The following PSMA2 variants were observed in gnomAD, a reference collection of about 807,000 sequenced individuals.
The protein encoded by PSMA2 is proteasome subunit alpha type-2.
A neutral mutation model predicts 35.9 loss-of-function variants in PSMA2; 2 were observed. That is an observed-to-expected ratio of 0.06 (90% CI 0.02 to 0.18). The LOEUF (loss-of-function observed/expected upper bound fraction) is 0.18, where lower values mean the gene tolerates loss of function less well. Among genes scored for constraint, PSMA2 ranks in the 10% least tolerant of loss-of-function variants. The probability of loss-of-function intolerance (pLI) is 1.00; values close to 1 mark genes in which losing one functional copy is unlikely to be tolerated. For synonymous variants in PSMA2, 97 were observed against 98.2 expected, an observed-to-expected ratio of 0.99 and a Z score of 0.07; for missense variants, 126 against 278.8, an observed-to-expected ratio of 0.45 and a Z score of 3.90.
intron 1 of PSMA2, among the ~76,000 whole-genome samples, chr7:42,927,722 A>C (rs1400444510): frequency 6.6e-6 from 1 of 152,196 alleles, no homozygotes; most frequent in Non-Finnish European, 1.5e-5. Flanking sequence ...CCTGACTAAC[A>C]TGGTGAAACC....
At chr7:42,923,667 T>C (rs1343084172) in intron 4 of PSMA2, among the ~76,000 whole-genome samples, 1 of 152,244 alleles carries the variant, frequency 6.6e-6, no homozygotes, top group African/African-American at 2.4e-5. Context: ...AAGTGTGTAG[T>C]AACATTTAGT....
At chr7:42,929,599 C>G (rs935262663) in intron 1 of PSMA2, among the ~76,000 whole-genome samples, 4 of 151,856 alleles carry the variant, frequency 2.6e-5, no homozygotes, top group African/African-American at 9.7e-5. Context: ...ACTGAAATAG[C>G]CTTCTAACTG....
In PSMA2 at chr7:42,924,766, GAGC is replaced by G; in HGVS notation, c.280_282del (p.Ala94del). On this transcript the variant is annotated inframe_deletion, in exon 4 of 8. Transcript: ENST00000223321. ...TCTTGGTACACAAGATAGTATTGTT[GAGC>G]TAGTTTTCGAGCTCTGTGCACAAGC... is the stretch of plus-strand genomic sequence containing the variant. The G allele has an allele frequency of 6.2e-7, 1 of 1,612,542 alleles. No individual in the cohort carries two copies. Among genetic ancestry groups the G allele is most frequent in the Non-Finnish European group, 8.5e-7 (1 of 1,179,022 alleles).
chr7:42,919,050 C>T lies in PSMA2; in HGVS notation c.531-1215G>A, dbSNP rs187862043. ...TGTTGGCCCAGCTGGTCTCGAACTT[C>T]TGACCTCAGGTGATCCGCCTGCCTT... On this transcript the variant is annotated intron_variant, in intron 6 of 7. Transcript: ENST00000223321. The T allele has an allele frequency of 1.7e-3, 474 of 278,648 alleles. 2 individuals are homozygous for T. The highest frequency in any genetic ancestry group is 9.5e-3 in the African/African-American group (429 of 44,968). The allele number at this position is 278,648 out of a possible 1,614,324, so 17.3% of individuals were successfully genotyped here. A position where few individuals can be genotyped will look rare whatever the true frequency, so the allele number is the denominator to read the frequency against.
intron 1 of PSMA2, chr7:42,931,227 C>T: frequency 1.2e-5 from 5 of 430,316 alleles, no homozygotes; most frequent in South Asian, 6.6e-5. Context: ...TAACAAAGTA[C>T]TCAACAAGTT....
chr7:42,931,552 A>G (rs1215147233), intron 1 of PSMA2, among the ~76,000 whole-genome samples: 1 of 151,884 alleles, frequency 6.6e-6, no homozygotes, highest in Non-Finnish European at 1.5e-5. Flanking sequence ...GGTTCACAAA[A>G]AAGTGATAGG....
intron 1 of PSMA2, among the ~76,000 whole-genome samples, chr7:42,928,179 G>T (rs986199161): frequency 6.6e-6 from 1 of 152,152 alleles, no homozygotes; most frequent in Non-Finnish European, 1.5e-5. Flanking sequence ...ATTTGTGGGG[G>T]TACTGAAATC....
At chr7:42,919,420 T>C (rs1437309122) in intron 6 of PSMA2, 2 of 555,370 alleles carry the variant, frequency 3.6e-6, no homozygotes, top group Non-Finnish European at 7.2e-6. Context: ...CTGTTTTGCA[T>C]ATATGACTTG....
rs773603489 is a variant in PSMA2 at position 42,921,872 on chromosome 7, A to G, written c.516T>C (p.Thr172=). 1.9e-6 allele frequency: 3 copies of G among 1,612,502 alleles called. No individual in the cohort carries two copies. Among genetic ancestry groups the G allele is most frequent in the African/African-American group, 1.3e-5 (1 of 74,908 alleles). ...AGTAGGCCTACCTTTTCTCAAGGAA[A>G]GTCTTCCCATTCACATAGTTCTTTC... ...AMGKNYVNGK[T]FLEKRYNEDL... The change falls in exon 6 of 8, where the codon ACT becomes ACC. Residue 172 remains threonine, a synonymous_variant. Coordinates refer to ENST00000223321, the MANE Select transcript of PSMA2 (RefSeq NM_002787.5).
chr7:42,922,788 T>C lies in PSMA2; in HGVS notation c.456+537A>G, dbSNP rs562391158. Among the ~76,000 whole-genome samples, 46 of 152,166 alleles carry C rather than the reference T, an allele frequency of 3.0e-4. 1 individual carries two copies. The highest frequency in any genetic ancestry group is 6.3e-4 in the Non-Finnish European group (43 of 68,014). ...CTTGAATTTTGTCTTAAGGTTCTCA[T>C]AGCAAATGGGACAGATGTGGAGTAG... On this transcript the variant is annotated intron_variant, in intron 5 of 7. Coordinates refer to ENST00000223321, the MANE Select transcript of PSMA2 (RefSeq NM_002787.5).
At chr7:42,924,898 T>C in intron 3 of PSMA2, 101 bp from the exon 4 acceptor site, 1 of 1,153,542 alleles carries the variant, frequency 8.7e-7, no homozygotes, top group Non-Finnish European at 1.2e-6. Context: ...AAGTTTAACA[T>C]GTATCTCTTT....
Position 42,917,665 on chromosome 7 carries a change from T to C in PSMA2, c.614A>G (p.Glu205Gly). Residue 205 changes from glutamate (E) to glycine (G), a missense_variant, in exon 8 of 8, where the codon GAG becomes GGG. This residue lies in a region of PSMA2 where 42 missense variants were observed against 83.6 expected (regional missense o/e 0.50). Transcript: ENST00000223321. ...LKESFEGQMT[E>G]DNIEVGICNE... ...GCAGATTCCAACTTCTATGTTATCC[T>C]CTGTCATTTGCCCTTCAAAGCTTTC... The C allele has an allele frequency of 6.2e-7, 1 of 1,613,894 alleles. No homozygotes were observed. The highest frequency in any genetic ancestry group is 8.5e-7 in the Non-Finnish European group (1 of 1,179,926).
chr7:42,931,149 T>C, intron 1 of PSMA2: 1 of 455,080 alleles, frequency 2.2e-6, no homozygotes, highest in South Asian at 1.6e-5. Flanking sequence ...AGTTCATCTG[T>C]AAGAAGCTGA....
intron 1 of PSMA2, among the ~76,000 whole-genome samples, chr7:42,931,654 C>T (rs976638794): frequency 1.3e-5 from 2 of 152,090 alleles, no homozygotes; most frequent in African/African-American, 4.8e-5. Flanking sequence ...CAAATGGAGA[C>T]CAAGACTCCG....
In PSMA2 at chr7:42,926,531, A is replaced by T; in HGVS notation, c.251+5T>A. 4 of 1,575,010 alleles carry T rather than the reference A, an allele frequency of 2.5e-6. No homozygotes were observed. Among genetic ancestry groups the T allele is most frequent in the Non-Finnish European group, 3.4e-6 (4 of 1,167,488 alleles). ...GTGAGAAACACTATAAAAAGTATAA[A>T]GTACCTGTAATCGGGGCCCATGCCA... is the stretch of plus-strand genomic sequence containing the variant. On this transcript the variant is annotated splice_donor_5th_base_variant and intron_variant, in intron 3 of 7. Transcript: ENST00000223321.
chr7:42,921,908 A>G lies in PSMA2; in HGVS notation c.480T>C (p.Ala160=). The change falls in exon 6 of 8, where the codon GCT becomes GCC. Residue 160 remains alanine (A), a synonymous_variant. Transcript: ENST00000223321. ...DPSGAYFAWK[A]TAMGKNYVNG... ...TCACATAGTTCTTTCCCATTGCTGTAGCTTTCCAGGCAAAGTAAGCTCCCT... is the reference window on the plus strand; with the variant it reads ...TCACATAGTTCTTTCCCATTGCTGTGGCTTTCCAGGCAAAGTAAGCTCCCT... The G allele has an allele frequency of 6.2e-7, 1 of 1,611,622 alleles. No homozygotes were observed. The highest frequency in any genetic ancestry group is 8.5e-7 in the Non-Finnish European group (1 of 1,178,340).
intron 1 of PSMA2, among the ~76,000 whole-genome samples, chr7:42,929,470 C>T (rs1786262636): frequency 6.6e-6 from 1 of 152,204 alleles, no homozygotes; most frequent in African/African-American, 2.4e-5. Context: ...ATCTTTACCA[C>T]TGCATGATTT....
At chr7:42,932,083 G>C in intron 1 of PSMA2, 35 bp downstream of exon 1, 4 of 1,613,720 alleles carry the variant, frequency 2.5e-6, no homozygotes, top group Non-Finnish European at 3.4e-6. Flanking sequence ...CAGCAACCTC[G>C]ACTACGCTGA....
chr7:42,926,756 C>T, intron 2 of PSMA2, 88 bp from the exon 3 acceptor site: 1 of 1,344,980 alleles, frequency 7.4e-7, no homozygotes, highest in Non-Finnish European at 9.8e-7. Context: ...TAAACGCAAA[C>T]TCCTTTATTT....
Sources: gnomAD v4.1 joint callset for allele counts (sites outside exome capture counted in the v4.1 genomes callset) on GRCh38, gnomAD v4.1.1 for gene constraint, gnomAD v4.1.1 regional missense constraint, MANE v1.5 for transcripts, NCBI Gene and HGNC (gene_info 2026-07-23, HGNC 2026-07-21) for gene names.